BICC1: variants seen among roughly 807,000 people sequenced by gnomAD.
BICC1 encodes the protein BicC family RNA binding protein 1, also known as protein bicaudal C homolog 1.
Under a neutral mutation model 111.0 loss-of-function variants are expected in BICC1, and 43 were observed. That is an observed-to-expected ratio of 0.39 (90% confidence interval 0.30 to 0.50). The LOEUF (loss-of-function observed/expected upper bound fraction) is 0.50. Ranked by LOEUF, BICC1 falls within the 20% of genes least tolerant of loss-of-function variation. The pLI is 0.88. For synonymous variants in BICC1, 467 were observed against 434.4 expected (o/e 1.07, Z -0.93); for missense variants, 1,091 against 1,203.2 (o/e 0.91, Z 1.38).
intron 3 of BICC1, among the ~76,000 whole-genome samples, chr10:58,736,018 G>T (rs114254292): frequency 6.6e-6 from 1 of 152,176 alleles, no homozygotes; most frequent in African/African-American, 2.4e-5. Context: ...AAAGTATCAC[G>T]ATTACCTACG....
chr10:58,515,703 G>T (rs2132492801), intron 1 of BICC1, among the ~76,000 whole-genome samples: 1 of 152,284 alleles, frequency 6.6e-6, no homozygotes, highest in South Asian at 2.1e-4. Flanking sequence ...CAGGAAAGTT[G>T]CTAGGCCTCT....
At chr10:58,580,082 T>C (rs1844238058) in intron 1 of BICC1, among the ~76,000 whole-genome samples, 1 of 151,610 alleles carries the variant, frequency 6.6e-6, no homozygotes, top group Non-Finnish European at 1.5e-5. Context: ...TGGAATGCAG[T>C]GGTGTGATCT....
At chr10:58,789,565 T>C in intron 7 of BICC1, 109 bp downstream of exon 7, 2 of 1,515,370 alleles carry the variant, frequency 1.3e-6, no homozygotes, top group Non-Finnish European at 1.8e-6. Context: ...TCGTTCTACA[T>C]TTTGGTTTGC....
chr10:58,548,891 CCT>C (rs1843211536), intron 1 of BICC1, among the ~76,000 whole-genome samples: 1 of 151,840 alleles, frequency 6.6e-6, no homozygotes, highest in South Asian at 2.1e-4. Flanking sequence ...TCAGGGTTTC[CCT>C]CTGTCACCCA....
chr10:58,758,544 T>G (rs1842212282), intron 3 of BICC1, among the ~76,000 whole-genome samples: 1 of 152,250 alleles, frequency 6.6e-6, no homozygotes, highest in African/African-American at 2.4e-5. Context: ...TTCACTGTTC[T>G]TCTTGTCCCT....
chr10:58,763,310 G>A (rs1842369467), intron 3 of BICC1, among the ~76,000 whole-genome samples: 1 of 152,122 alleles, frequency 6.6e-6, no homozygotes, highest in Non-Finnish European at 1.5e-5. Context: ...CACTGTAGCT[G>A]ATAGCATGGG....
intron 3 of BICC1, among the ~76,000 whole-genome samples, chr10:58,744,223 A>G (rs1379811815): frequency 6.6e-6 from 1 of 152,084 alleles, no homozygotes; most frequent in Non-Finnish European, 1.5e-5. Flanking sequence ...TACCTGGAAA[A>G]AATAGTATTG....
At chr10:58,767,330 A>C (rs1842484213) in intron 3 of BICC1, among the ~76,000 whole-genome samples, 1 of 152,176 alleles carries the variant, frequency 6.6e-6, no homozygotes. Flanking sequence ...ACACAATCTT[A>C]AGAATTACCT....
chr10:58,826,853 T>A (rs1844414146), intron 20 of BICC1, among the ~76,000 whole-genome samples: 1 of 152,230 alleles, frequency 6.6e-6, no homozygotes, highest in Non-Finnish European at 1.5e-5. Flanking sequence ...ACGTTTATGA[T>A]CAGGACTGCC....
At chr10:58,780,963 G>A (rs1842868128) in intron 3 of BICC1, among the ~76,000 whole-genome samples, 1 of 151,966 alleles carries the variant, frequency 6.6e-6, no homozygotes, top group Non-Finnish European at 1.5e-5. Flanking sequence ...TATGTTCAAA[G>A]GTTTAACATT....
chr10:58,597,812 C>T (rs1844870751), intron 1 of BICC1, among the ~76,000 whole-genome samples: 1 of 152,026 alleles, frequency 6.6e-6, no homozygotes, highest in Non-Finnish European at 1.5e-5. Context: ...AAAAATATGG[C>T]TCTTTTTGCC....
chr10:58,686,485 A>G (rs1263752134), intron 2 of BICC1, among the ~76,000 whole-genome samples: 3 of 152,154 alleles, frequency 2.0e-5, no homozygotes, highest in Non-Finnish European at 2.9e-5. Context: ...CATTCTCCCC[A>G]TCACTTTCAG....
chr10:58,608,351 C>G (rs1845301931), intron 1 of BICC1, among the ~76,000 whole-genome samples: 1 of 152,170 alleles, frequency 6.6e-6, no homozygotes, highest in Non-Finnish European at 1.5e-5. Flanking sequence ...TCCCCTTCCT[C>G]CCCTGGCCTG....
chr10:58,542,827 CT>C (rs1347706575), intron 1 of BICC1, among the ~76,000 whole-genome samples: 1 of 149,130 alleles, frequency 6.7e-6, no homozygotes, highest in African/African-American at 2.5e-5. Context: ...TCACCTTGCA[CT>C]CATTAGGATG....
At chr10:58,786,621 T>C (rs986387424) in intron 4 of BICC1, among the ~76,000 whole-genome samples, 1 of 152,226 alleles carries the variant, frequency 6.6e-6, no homozygotes, top group Non-Finnish European at 1.5e-5. Flanking sequence ...TAAAGACAAA[T>C]TGAGTAATTT....
At chr10:58,643,537 T>C (rs952235818) in intron 2 of BICC1, among the ~76,000 whole-genome samples, 32 of 152,252 alleles carry the variant, frequency 2.1e-4, no homozygotes, top group African/African-American at 7.0e-4. Context: ...AGCAGAATGG[T>C]CAGGACTTAC....
At chr10:58,681,209 A>G (rs933832518) in intron 2 of BICC1, among the ~76,000 whole-genome samples, 2 of 152,240 alleles carry the variant, frequency 1.3e-5, no homozygotes, top group African/African-American at 2.4e-5. Context: ...AGCAAAAGCA[A>G]CTGTCGTCAG....
At position 58,828,910 on chromosome 10, in the gene BICC1, T is replaced by A. The variant is rs750909471; in HGVS notation, c.*19T>A. 3.7e-6 allele frequency: 6 copies of A among 1,613,286 alleles called. No individual in the cohort carries two copies. The highest frequency in any genetic ancestry group is 1.7e-6 in the Non-Finnish European group (2 of 1,179,534). The stretch of plus-strand genomic sequence containing the variant: ...CTGGTAGCAGCACCCTCTTGGCACA[T>A]GCCCGCTGACTAACTGTAAAGTGGA... On this transcript the variant is annotated 3_prime_UTR_variant, in exon 21 of 21. Transcript: ENST00000373886.
intron 2 of BICC1, among the ~76,000 whole-genome samples, chr10:58,643,242 A>G (rs1271828711): frequency 6.6e-6 from 1 of 152,222 alleles, no homozygotes; most frequent in African/African-American, 2.4e-5. Flanking sequence ...AGAAGCATTC[A>G]AGAGAGGGAT....
Sources: allele counts gnomAD v4.1 joint callset (sites outside exome capture counted in the v4.1 genomes callset), GRCh38; gene constraint gnomAD v4.1.1; transcripts MANE v1.5; gene names NCBI Gene and HGNC (gene_info 2026-07-23, HGNC 2026-07-21).